Variants in MAX observed in about 807,000 individuals in gnomAD.
The protein encoded by MAX is protein max.
MAX carries 3 observed loss-of-function variants against 22.3 expected under a neutral mutation model. That is an observed-to-expected ratio of 0.13 (90% CI 0.06 to 0.35). The LOEUF is 0.35. MAX is among the 10% of genes least tolerant of loss of function. The pLI is 1.00. For synonymous variants in MAX, 72 were observed against 77.7 expected (o/e 0.93, Z 0.39); for missense variants, 119 against 209.4 (o/e 0.57, Z 2.66).
At chr14:65,048,926 A>C (rs1036667146) in intron 3 of MAX, among the ~76,000 whole-genome samples, 41 of 152,246 alleles carry the variant, frequency 2.7e-4, no homozygotes, top group Admixed American at 5.9e-4. Flanking sequence ...GGAGTTCAAG[A>C]CCAGCCTGGC....
In MAX at chr14:65,069,558, C is replaced by CA. The variant is rs1268837295; in HGVS notation, c.171+24149dup. On this transcript the variant is annotated intron_variant, in intron 3 of 3. Coordinates refer to the MAX transcript ENST00000341653. The surrounding 1 kb of genome is among the most constrained non-coding windows in gnomAD (Gnocchi z 4.6). The stretch of plus-strand genomic sequence containing the variant: ...TGCTGGGCTGAGGCTACGTGCTGCT[C>CA]AAATACCCGAGGGTTGAACTCACGC... Among the ~76,000 whole-genome samples, 2 of 152,244 alleles carry CA rather than the reference C, an allele frequency of 1.3e-5. No individual in the cohort carries two copies. The highest frequency in any genetic ancestry group is 4.8e-5 in the African/African-American group (2 of 41,458).
intron 3 of MAX, chr14:65,022,227 A>G: frequency 5.4e-6 from 2 of 367,070 alleles, no homozygotes; most frequent in East Asian, 1.5e-4. Context: ...ATCCCCTCCT[A>G]AGCCGTTCTG....
Position 65,031,982 on chromosome 14 carries a change from G to GTGTGTGTGTGTGTGTGTA in MAX, c.172-25699_172-25698insTACACACACACACACACA, listed in dbSNP as rs1234442828. Among the ~76,000 whole-genome samples the GTGTGTGTGTGTGTGTGTA allele has an allele frequency of 2.0e-3, 189 of 94,906 alleles. No individual in the cohort carries two copies. Among genetic ancestry groups the GTGTGTGTGTGTGTGTGTA allele is most frequent in the African/African-American group, 8.9e-3 (177 of 19,978 alleles). The allele number at this position is 94,906 out of a possible 152,430, so 62.3% of individuals were successfully genotyped here. ...GACGTGCGCCTTTTTCATTTAACGT[G>GTGTGTGTGTGTGTGTGTA]TGTGTGTGTGTGTGTGTGTGTGTGT... On this transcript the variant is annotated intron_variant, in intron 3 of 3. Coordinates refer to the MAX transcript ENST00000341653. The surrounding 1 kb of genome is among the most constrained non-coding windows in gnomAD (Gnocchi z 4.6).
rs543586033 is a variant in MAX at position 65,082,237 on chromosome 14, A to G, written c.172-4201T>C. ...ATGGAACTAATTTAAAAAGATCAAT[A>G]GAATTGCAGGGACACTGTTGTCATG... On this transcript the variant is annotated intron_variant, in intron 3 of 4. Transcript: ENST00000358664. The surrounding 1 kb of genome is among the most constrained non-coding windows in gnomAD (Gnocchi z 4.8). The G allele has an allele frequency of 6.6e-6, 1 of 152,150 alleles. No homozygotes were observed. Among genetic ancestry groups the G allele is most frequent in the South Asian group, 2.1e-4 (1 of 4,808 alleles). The allele number at this position is 152,150 out of a possible 1,614,324, so 9.4% of individuals were successfully genotyped here. A position where few individuals can be genotyped will look rare whatever the true frequency, so the allele number is the denominator to read the frequency against.
chr14:65,053,641 A>AAAAAAAAACAAAAAC (rs2062664660), intron 3 of MAX, among the ~76,000 whole-genome samples: 1 of 152,152 alleles, frequency 6.6e-6, no homozygotes, highest in African/African-American at 2.4e-5. Flanking sequence ...AAAACAAAAA[A>AAAAAAAAACAAAAAC]AAACTGATCT....
At chr14:65,037,371 G>GAGATTAT (rs2062216209) in intron 3 of MAX, among the ~76,000 whole-genome samples, 1 of 124,148 alleles carries the variant, frequency 8.1e-6, no homozygotes, top group Non-Finnish European at 1.6e-5. Flanking sequence ...CCAAAGTGCT[G>GAGATTAT]AGATTATAGG....
chr14:65,075,392 G>A lies in MAX; in HGVS notation c.*1084C>T. Reference sequence around the variant, plus strand: ...AGAACCAGGGCTGGATCACACAATGGAGACAGGTTCCAGGACAGTAGGAAA... The same window carrying A: ...AGAACCAGGGCTGGATCACACAATGAAGACAGGTTCCAGGACAGTAGGAAA... On this transcript the variant is annotated 3_prime_UTR_variant, in exon 5 of 5. Transcript: ENST00000358664. This position sits in a 1 kb window ranked among gnomAD's most constrained non-coding sequence, Gnocchi z 4.1. 1 of 1,063,334 alleles carries A rather than the reference G, an allele frequency of 9.4e-7. No individual in the cohort carries two copies. Among genetic ancestry groups the A allele is most frequent in the Non-Finnish European group, 1.1e-6 (1 of 877,750 alleles). 65.9% of individuals were successfully genotyped at this position (1,063,334 alleles called of 1,614,324 possible).
intron 3 of MAX, among the ~76,000 whole-genome samples, chr14:65,021,338 A>G (rs1468510255): frequency 2.0e-5 from 3 of 152,252 alleles, no homozygotes; most frequent in African/African-American, 7.2e-5. Context: ...TTCCAAAGAT[A>G]AATTCAAATT....
Position 65,031,821 on chromosome 14 carries a change from T to C in MAX, c.172-25537A>G, listed in dbSNP as rs2139588901. On this transcript the variant is annotated intron_variant, in intron 3 of 3. Coordinates refer to the MAX transcript ENST00000341653. The surrounding 1 kb of genome is among the most constrained non-coding windows in gnomAD (Gnocchi z 4.6). ...CTGTAATCCCAGCTACTTGGGAGGC[T>C]GATACAGGAGAATTGCTTGAACCCA... Among the ~76,000 whole-genome samples, 1 of 152,196 alleles carries C rather than the reference T, an allele frequency of 6.6e-6. No homozygotes were observed. Among genetic ancestry groups the C allele is most frequent in the East Asian group, 2.0e-4 (1 of 5,110 alleles).
chr14:65,085,711 G>A (rs1273074524), intron 3 of MAX, among the ~76,000 whole-genome samples: 1 of 152,162 alleles, frequency 6.6e-6, no homozygotes, highest in Non-Finnish European at 1.5e-5. Context: ...GCAAGGAGCT[G>A]GAGACTGAGG....
In MAX at chr14:65,021,161, A is replaced by G. The variant is rs116353922; in HGVS notation, c.172-14877T>C. 1.3e-3 allele frequency among the ~76,000 whole-genome samples: 192 copies of G among 152,356 alleles called. 1 individual carries two copies. The highest frequency in any genetic ancestry group is 4.6e-3 in the African/African-American group (192 of 41,586). On this transcript the variant is annotated intron_variant, in intron 3 of 3. Transcript: ENST00000341653. ...TTGGCACTGAAGGAAGCATCCTCTA[A>G]TGAGAATCCCATTCTTTGTTACTGA...
rs1009049997 is a variant in MAX, at chr14:65,032,537, C to T, written c.172-26253G>A. On this transcript the variant is annotated intron_variant, in intron 3 of 3. Transcript: ENST00000341653. The surrounding 1 kb of genome is among the most constrained non-coding windows in gnomAD (Gnocchi z 5.0). Reference sequence around the variant, plus strand: ...AGCTTACTAGGCAAGGCGAGCAGTCCGCCCGCGGAGTTCACTGAGCCTCAT... The same window carrying T: ...AGCTTACTAGGCAAGGCGAGCAGTCTGCCCGCGGAGTTCACTGAGCCTCAT... The T allele has an allele frequency of 1.0e-5, 16 of 1,551,438 alleles. No individual in the cohort carries two copies. The highest frequency in any genetic ancestry group is 6.9e-5 in the East Asian group (3 of 43,344).
At chr14:65,075,035 C>T (rs1246337089), downstream of MAX, 3 of 1,007,466 alleles carry the variant, frequency 3.0e-6, no homozygotes, top group South Asian at 4.7e-5. The surrounding 1 kb of genome is among the most constrained non-coding windows in gnomAD (Gnocchi z 4.1). Flanking sequence ...CCACTTCTCA[C>T]TCAGACTTAC....
chr14:65,021,261 T>G (rs899761427), intron 3 of MAX, among the ~76,000 whole-genome samples: 1 of 152,230 alleles, frequency 6.6e-6, no homozygotes, highest in African/African-American at 2.4e-5. Context: ...TGTTTTTAGC[T>G]TCTGTAAGAT....
intron 3 of MAX, among the ~76,000 whole-genome samples, chr14:65,055,624 C>A (rs2139682078): frequency 6.6e-6 from 1 of 152,136 alleles, no homozygotes; most frequent in Non-Finnish European, 1.5e-5. Flanking sequence ...TCAAGCAATT[C>A]TCGTGCCTCA....
At position 65,028,067 on chromosome 14, in the gene MAX, A is replaced by T. The variant is rs2062016382; in HGVS notation, c.172-21783T>A. ...GTTTGGTACAAAATGATATACCACA[A>T]TATAAATAACTGTATGGTGTAATGT... On this transcript the variant is annotated intron_variant, in intron 3 of 3. Transcript: ENST00000341653. The surrounding 1 kb of genome is among the most constrained non-coding windows in gnomAD (Gnocchi z 4.4). Among the ~76,000 whole-genome samples the T allele has an allele frequency of 6.6e-6, 1 of 152,246 alleles. No individual in the cohort carries two copies. Among genetic ancestry groups the T allele is most frequent in the Non-Finnish European group, 1.5e-5 (1 of 68,042 alleles).
chr14:65,102,518 G>C (rs1373327235), upstream of MAX: 2 of 1,463,042 alleles, frequency 1.4e-6, no homozygotes, highest in Non-Finnish European at 9.0e-7. Flanking sequence ...CCTCCTCACT[G>C]CAGCACCGGA....
chr14:65,078,527 G>C lies in MAX; in HGVS notation c.172-491C>G, dbSNP rs1379636801. Reference sequence around the variant, plus strand: ...CGCCCAGCCTGTTGTTGTTGTTGTTGTTGTTGTTTTTTTTTTTTTGGAGAC... The same window carrying C: ...CGCCCAGCCTGTTGTTGTTGTTGTTCTTGTTGTTTTTTTTTTTTTGGAGAC... On this transcript the variant is annotated intron_variant, in intron 3 of 4. Coordinates refer to ENST00000358664, the MANE Select transcript of MAX (RefSeq NM_002382.5). This position sits in a 1 kb window ranked among gnomAD's most constrained non-coding sequence, Gnocchi z 6.4. 6.7e-6 allele frequency among the ~76,000 whole-genome samples: 1 copy of C among 148,264 alleles called. No homozygotes were observed. The highest frequency in any genetic ancestry group is 1.5e-5 in the Non-Finnish European group (1 of 66,974).
At position 65,007,767 on chromosome 14, in the gene MAX, A is replaced by C. The variant is rs2061617585; in HGVS notation, c.172-1483T>G. ...TTGAATGTACCCTTTTGCATTTATC[A>C]CCTTGGCTTTAATAAGAAACCTGAA... On this transcript the variant is annotated intron_variant, in intron 3 of 3. Coordinates refer to the MAX transcript ENST00000341653. The surrounding 1 kb of genome is among the most constrained non-coding windows in gnomAD (Gnocchi z 4.9). 6.6e-6 allele frequency among the ~76,000 whole-genome samples: 1 copy of C among 152,108 alleles called. No individual in the cohort carries two copies. The highest frequency in any genetic ancestry group is 2.4e-5 in the African/African-American group (1 of 41,398).
Sources: allele counts gnomAD v4.1 joint callset (sites outside exome capture counted in the v4.1 genomes callset), GRCh38; gene constraint gnomAD v4.1.1; non-coding constraint Gnocchi (gnomAD v3.1); transcripts MANE v1.5; gene names NCBI Gene and HGNC (gene_info 2026-07-23, HGNC 2026-07-21).